The following TIAM2 variants were observed in gnomAD, a reference collection of about 807,000 sequenced individuals.
TIAM2 encodes the protein rho guanine nucleotide exchange factor TIAM2.
A neutral mutation model predicts 152.9 loss-of-function variants in TIAM2; 80 were observed. That is an observed-to-expected ratio of 0.52 (90% CI 0.44 to 0.63). The LOEUF is 0.63. Ranked by LOEUF, TIAM2 falls within the 30% of genes least tolerant of loss-of-function variation. The pLI, the probability that TIAM2 is intolerant of heterozygous loss-of-function variation, is 0.00. For missense variants in TIAM2, 1,965 were observed against 2,120.1 expected (o/e 0.93, Z 1.44); for synonymous variants, 804 against 838.0 (o/e 0.96, Z 0.70).
Position 155,218,646 on chromosome 6 carries a change from G to A in TIAM2, c.3168+7339G>A, listed in dbSNP as rs557109443. Among the ~76,000 whole-genome samples, 47 of 152,316 alleles carry A rather than the reference G, an allele frequency of 3.1e-4. No homozygotes were observed. The highest frequency in any genetic ancestry group is 2.5e-3 in the Admixed American group (38 of 15,308). On this transcript the variant is annotated intron_variant, in intron 15 of 26. Coordinates refer to ENST00000682666, the MANE Select transcript of TIAM2 (RefSeq NM_012454.4). This position sits in a 1 kb window ranked among gnomAD's most constrained non-coding sequence, Gnocchi z 4.5. Reference sequence around the variant, plus strand: ...GCTGTAAGCTGCCCCTTCCTGGTGCGTCTCCCATGTATACGTGTGTGTGTG... The same window carrying A: ...GCTGTAAGCTGCCCCTTCCTGGTGCATCTCCCATGTATACGTGTGTGTGTG...
chr6:154,999,336 G>A (rs868138720), intron 1 of TIAM2, among the ~76,000 whole-genome samples: 7 of 151,686 alleles, frequency 4.6e-5, no homozygotes, highest in African/African-American at 1.5e-4. Context: ...TCAGCCTCCC[G>A]AGTAGCTGGG....
chr6:155,146,804 A>T (rs1779829790), intron 6 of TIAM2, among the ~76,000 whole-genome samples: 1 of 145,024 alleles, frequency 6.9e-6, no homozygotes, highest in Non-Finnish European at 1.5e-5. Flanking sequence ...TTTTTAGTAG[A>T]AACTGTGTTT....
intron 2 of TIAM2, among the ~76,000 whole-genome samples, chr6:155,110,252 C>T (rs1462809125): frequency 2.0e-5 from 3 of 151,862 alleles, no homozygotes; most frequent in South Asian, 2.1e-4. Flanking sequence ...CACGTCCAGC[C>T]GACATGCACA....
At chr6:155,115,615 T>G (rs1355067674) in intron 2 of TIAM2, among the ~76,000 whole-genome samples, 1 of 152,166 alleles carries the variant, frequency 6.6e-6, no homozygotes, top group Non-Finnish European at 1.5e-5. Flanking sequence ...ATCACACCAC[T>G]GTACTCCAGC....
At position 155,220,106 on chromosome 6, in the gene TIAM2, G is replaced by A. The variant is rs12208183; in HGVS notation, c.3168+8799G>A. On this transcript the variant is annotated intron_variant, in intron 15 of 26. Coordinates refer to ENST00000682666, the MANE Select transcript of TIAM2 (RefSeq NM_012454.4). ...CTCCTGCCAAGTGGGTCCTTGGACA[G>A]AGGCAAACTAAAAAGTGGGCAGTGG... Among the ~76,000 whole-genome samples the A allele has an allele frequency of 7.4e-3, 1,135 of 152,350 alleles. 3 individuals carry two copies. Among genetic ancestry groups the A allele is most frequent in the Non-Finnish European group, 0.011 (761 of 68,026 alleles).
rs13210902 is a variant in TIAM2 at position 155,088,058 on chromosome 6, T to C, written c.-208-2231T>C. Among the ~76,000 whole-genome samples the C allele has an allele frequency of 5.9e-3, 873 of 148,632 alleles. 8 individuals carry two copies. The highest frequency in any genetic ancestry group is 0.019 in the African/African-American group (782 of 40,544). Reference sequence around the variant, plus strand: ...TATTTCTTTTTCTTTCTTTCTTTTTTTTTTTTTTTTTTTTGAGACGTAGTT... The same window carrying C: ...TATTTCTTTTTCTTTCTTTCTTTTTCTTTTTTTTTTTTTTGAGACGTAGTT... On this transcript the variant is annotated intron_variant, in intron 1 of 26. Transcript: ENST00000682666.
At chr6:155,005,068 G>T in intron 1 of TIAM2, 3 of 413,476 alleles carry the variant, frequency 7.3e-6, no homozygotes, top group South Asian at 4.1e-5. Flanking sequence ...AGTTGCACCA[G>T]AGTAGAAGGC....
At chr6:155,127,154 G>A (rs936819567) in intron 2 of TIAM2, among the ~76,000 whole-genome samples, 7 of 152,174 alleles carry the variant, frequency 4.6e-5, no homozygotes, top group South Asian at 4.1e-4. Context: ...ACAGCCTGAC[G>A]CTCCTGCAGC....
chr6:155,165,628 C>T (rs1780410808), intron 9 of TIAM2, among the ~76,000 whole-genome samples: 1 of 152,042 alleles, frequency 6.6e-6, no homozygotes, highest in Non-Finnish European at 1.5e-5. Flanking sequence ...AGTGAGACCC[C>T]ATCTCTACAA....
At chr6:155,233,969 A>C (rs2046460) in intron 15 of TIAM2, among the ~76,000 whole-genome samples, 9,944 of 147,084 alleles carry the variant, frequency 0.068, 524 homozygotes, top group East Asian at 0.28. Context: ...TCTCAAAAAA[A>C]CAAAACAAAA....
At chr6:155,033,723 T>C (rs1336433986) in intron 1 of TIAM2, among the ~76,000 whole-genome samples, 7 of 151,480 alleles carry the variant, frequency 4.6e-5, no homozygotes, top group African/African-American at 1.7e-4. Context: ...TTTCTTTCTT[T>C]TTTTGTTTTT....
rs1052365329 is a variant in TIAM2, at chr6:155,225,192, A to G, written c.3168+13885A>G. Among the ~76,000 whole-genome samples the G allele has an allele frequency of 9.9e-5, 15 of 152,142 alleles. No homozygotes were observed. The East Asian group carries it at 2.9e-3, about 29-fold the overall frequency. On this transcript the variant is annotated intron_variant, in intron 15 of 26. Transcript: ENST00000682666. ...GCTTGTCTCGAACTCCTGACTTCAGATGATCCACCCACCTCGGCCTCCCAA... is the reference window on the plus strand; with the variant it reads ...GCTTGTCTCGAACTCCTGACTTCAGGTGATCCACCCACCTCGGCCTCCCAA...
intron 1 of TIAM2, among the ~76,000 whole-genome samples, chr6:155,012,336 A>G (rs1388481531): frequency 6.6e-6 from 1 of 152,194 alleles, no homozygotes; most frequent in South Asian, 2.1e-4. Flanking sequence ...AATCCTTAAC[A>G]GTATTTTGAT....
At chr6:155,228,140 T>G (rs1204311220) in intron 15 of TIAM2, among the ~76,000 whole-genome samples, 3 of 152,186 alleles carry the variant, frequency 2.0e-5, no homozygotes, top group African/African-American at 4.8e-5. Context: ...AGAGCTGTCC[T>G]AAGCAAAGCT....
At chr6:155,151,607 A>C (rs1260167189) in intron 7 of TIAM2, among the ~76,000 whole-genome samples, 1 of 152,154 alleles carries the variant, frequency 6.6e-6, no homozygotes. Flanking sequence ...GTGGGGGGAT[A>C]CAGGTTTTTA....
intron 1 of TIAM2, among the ~76,000 whole-genome samples, chr6:155,069,204 C>T (rs11760018): frequency 6.6e-6 from 1 of 152,174 alleles, no homozygotes. Context: ...TAGTGATTCT[C>T]CTGCTTCAGC....
chr6:155,028,635 TG>T, intron 1 of TIAM2, among the ~76,000 whole-genome samples: 1 of 30,390 alleles, frequency 3.3e-5, no homozygotes, highest in Non-Finnish European at 1.3e-4. Flanking sequence ...ATATATACTG[TG>T]TTATATATAT....
At chr6:155,163,961 A>ATTTTTTTT (rs71558240) in intron 7 of TIAM2, among the ~76,000 whole-genome samples, 1 of 144,004 alleles carries the variant, frequency 6.9e-6, no homozygotes, top group Admixed American at 7.1e-5. Flanking sequence ...GACCCAGTGC[A>ATTTTTTTT]TTTTGTTTTT....
chr6:155,098,601 A>G (rs187691657), intron 2 of TIAM2, among the ~76,000 whole-genome samples: 1 of 152,322 alleles, frequency 6.6e-6, no homozygotes, highest in East Asian at 1.9e-4. Flanking sequence ...TCTAAATATA[A>G]AACCATGTCA....
Sources: gnomAD v4.1 joint callset for allele counts (sites outside exome capture counted in the v4.1 genomes callset) on GRCh38, gnomAD v4.1.1 for gene constraint, Gnocchi (gnomAD v3.1) non-coding constraint, MANE v1.5 for transcripts, NCBI Gene and HGNC (gene_info 2026-07-23, HGNC 2026-07-21) for gene names.